Variants in ARHGAP44 observed in about 807,000 individuals in gnomAD.
The protein encoded by ARHGAP44 is rho GTPase-activating protein 44.
In ARHGAP44, 43 loss-of-function variants were observed where a neutral mutation model predicts 106.8. The observed-to-expected ratio is 0.40, with a 90% confidence interval of 0.32 to 0.52. The LOEUF (loss-of-function observed/expected upper bound fraction) is 0.52, where lower values mean the gene tolerates loss of function less well. Ranked by LOEUF, ARHGAP44 falls within the 20% of genes least tolerant of loss-of-function variation. The probability of loss-of-function intolerance (pLI) is 0.48; values close to 1 mark genes in which losing one functional copy is unlikely to be tolerated. For synonymous variants in ARHGAP44, 439 were observed against 410.3 expected, an observed-to-expected ratio of 1.07 and a Z score of -0.85; for missense variants, 866 against 1,050.5, an observed-to-expected ratio of 0.82 and a Z score of 2.43.
At chr17:12,897,710 C>T (rs200272122) in intron 3 of ARHGAP44, among the ~76,000 whole-genome samples, 59 of 108,892 alleles carry the variant, frequency 5.4e-4, no homozygotes, top group Non-Finnish European at 6.1e-4. Context: ...TGATCTGTGT[C>T]TTTTTTTTTT....
At chr17:12,925,199 C>T (rs1368963621) in intron 6 of ARHGAP44, among the ~76,000 whole-genome samples, 1 of 152,138 alleles carries the variant, frequency 6.6e-6, no homozygotes, top group Non-Finnish European at 1.5e-5. Flanking sequence ...TCCGAAAGTG[C>T]CAAAGAGGGA....
rs377251162 is a variant in ARHGAP44, at chr17:12,954,294, T to C, written c.1137-1573T>C. 4.2e-4 allele frequency among the ~76,000 whole-genome samples: 64 copies of C among 152,328 alleles called. No individual in the cohort carries two copies. In the East Asian group the frequency reaches 9.9e-3, roughly 23 times the overall value. On this transcript the variant is annotated intron_variant, in intron 13 of 20. Coordinates refer to ENST00000379672, the MANE Select transcript of ARHGAP44 (RefSeq NM_014859.6). ...CAGGTTCATAACACTGTGAATGTAC[T>C]TAATGCCACCAAATTGTACGTCTAA...
At chr17:12,824,642 A>G (rs577632354) in intron 1 of ARHGAP44, among the ~76,000 whole-genome samples, 21 of 152,170 alleles carry the variant, frequency 1.4e-4, no homozygotes, top group African/African-American at 4.1e-4. Flanking sequence ...TCTTCAATAC[A>G]AGTCTGATGC....
chr17:12,909,203 T>G (rs1598036981), intron 4 of ARHGAP44, among the ~76,000 whole-genome samples: 1 of 152,014 alleles, frequency 6.6e-6, no homozygotes, highest in African/African-American at 2.4e-5. Context: ...TGAAGGACAA[T>G]TGAAATCCCT....
intron 5 of ARHGAP44, among the ~76,000 whole-genome samples, chr17:12,916,605 G>T (rs548894717): frequency 4.6e-5 from 7 of 152,228 alleles, no homozygotes; most frequent in Admixed American, 3.9e-4. Context: ...GGCTGGTCTC[G>T]AACTCCTGAC....
chr17:12,929,576 A>G (rs1450624532), intron 7 of ARHGAP44, among the ~76,000 whole-genome samples: 1 of 152,204 alleles, frequency 6.6e-6, no homozygotes, highest in African/African-American at 2.4e-5. Context: ...ATCGTTCTGA[A>G]AACTGCGACT....
At chr17:12,956,962 A>G (rs2039144364) in intron 15 of ARHGAP44, among the ~76,000 whole-genome samples, 1 of 151,686 alleles carries the variant, frequency 6.6e-6, no homozygotes, top group South Asian at 2.1e-4. Context: ...TAATCTCTAT[A>G]TTTTTTGAGA....
intron 1 of ARHGAP44, among the ~76,000 whole-genome samples, chr17:12,860,137 T>C (rs1057071070): frequency 2.0e-5 from 3 of 152,158 alleles, no homozygotes; most frequent in Non-Finnish European, 4.4e-5. Flanking sequence ...TAATTAATCC[T>C]GGGAGGGGCA....
intron 1 of ARHGAP44, among the ~76,000 whole-genome samples, chr17:12,810,218 C>G (rs1738868501): frequency 1.3e-5 from 2 of 152,172 alleles, no homozygotes; most frequent in African/African-American, 4.8e-5. Context: ...AACAAATCAC[C>G]ACAAACTGGG....
rs71369353 is a variant in ARHGAP44 at position 12,948,723 on chromosome 17, T to TACACACACACACACACAC, written c.862-406_862-389dup. Among the ~76,000 whole-genome samples the TACACACACACACACACAC allele has an allele frequency of 1.8e-3, 54 of 29,366 alleles. 3 individuals carry two copies. Among genetic ancestry groups the TACACACACACACACACAC allele is most frequent in the African/African-American group, 7.0e-3 (52 of 7,464 alleles). The allele number at this position is 29,366 out of a possible 152,430, so 19.3% of individuals were successfully genotyped here. On this transcript the variant is annotated intron_variant, in intron 10 of 20. Transcript: ENST00000379672. The stretch of plus-strand genomic sequence containing the variant: ...TAGCCCTGGTTCCTCCCAACACACA[T>TACACACACACACACACAC]ACACACACACACACACACACACACA...
Position 12,949,007 on chromosome 17 carries a change from G to A in ARHGAP44, c.862-133G>A. On this transcript the variant is annotated intron_variant, in intron 10 of 20. Coordinates refer to ENST00000379672, the MANE Select transcript of ARHGAP44 (RefSeq NM_014859.6). This position sits in a 1 kb window ranked among gnomAD's most constrained non-coding sequence, Gnocchi z 4.1. ...GAGACATTGAGAAAGCAGGCAACTG[G>A]GGGATTGGGAGATGGTGTTGGGCAA... 2 of 868,210 alleles carry A rather than the reference G, an allele frequency of 2.3e-6. No individual in the cohort carries two copies. Among genetic ancestry groups the A allele is most frequent in the South Asian group, 1.6e-5 (1 of 64,308 alleles). The allele number at this position is 868,210 out of a possible 1,614,324, so 53.8% of individuals were successfully genotyped here.
At chr17:12,888,946 A>G (rs1010053732) in intron 1 of ARHGAP44, among the ~76,000 whole-genome samples, 1 of 151,986 alleles carries the variant, frequency 6.6e-6, no homozygotes. Context: ...GTCTTTTCCA[A>G]TTTTTTATTT....
chr17:12,932,273 G>A (rs928306109), intron 7 of ARHGAP44, among the ~76,000 whole-genome samples: 9 of 152,148 alleles, frequency 5.9e-5, no homozygotes, highest in Non-Finnish European at 1.3e-4. Context: ...GAATATAAAT[G>A]TTGATGAGTA....
At chr17:12,963,554 A>G (rs112764173) in intron 16 of ARHGAP44, among the ~76,000 whole-genome samples, 1 of 145,388 alleles carries the variant, frequency 6.9e-6, no homozygotes, top group Non-Finnish European at 1.5e-5. Flanking sequence ...CAGACAGGCC[A>G]GCCTTGCATC....
At position 12,949,719 on chromosome 17, in the gene ARHGAP44, C is replaced by A; in HGVS notation, c.1044C>A (p.Ile348=). Residue 348 remains isoleucine, a synonymous_variant, in exon 12 of 21, where the codon ATC becomes ATA. Transcript: ENST00000379672. This position sits in a 1 kb window ranked among gnomAD's most constrained non-coding sequence, Gnocchi z 4.1. ...LMTFELYDEW[I]QASNVQEQDK... is the part of the protein sequence containing the mutation. Reference sequence around the variant, plus strand: ...CCTTTGAACTCTATGATGAGTGGATCCAGGCTTCCAAGTGAGTACCCCTTG... The same window carrying A: ...CCTTTGAACTCTATGATGAGTGGATACAGGCTTCCAAGTGAGTACCCCTTG... 6.2e-7 allele frequency: 1 copy of A among 1,613,304 alleles called. No individual in the cohort carries two copies. The highest frequency in any genetic ancestry group is 8.5e-7 in the Non-Finnish European group (1 of 1,179,568).
At chr17:12,963,046 CAAAAAAA>C (rs71369355) in intron 16 of ARHGAP44, among the ~76,000 whole-genome samples, 24,175 of 71,562 alleles carry the variant, frequency 0.34, 2,753 homozygotes, top group South Asian at 0.51. Context: ...AACACCATCT[CAAAAAAA>C]AAAAAAAAAA....
chr17:12,989,121 AAAAACT>A (rs2040041783), intron 20 of ARHGAP44, among the ~76,000 whole-genome samples: 1 of 148,980 alleles, frequency 6.7e-6, no homozygotes, highest in Non-Finnish European at 1.5e-5. Flanking sequence ...AAAAAAAAAA[AAAAACT>A]AAGCAGGCGG....
chr17:12,870,295 C>T (rs2036372955), intron 1 of ARHGAP44, among the ~76,000 whole-genome samples: 1 of 152,038 alleles, frequency 6.6e-6, no homozygotes, highest in African/African-American at 2.4e-5. Context: ...AGCAGTTCTC[C>T]CGCCTCAGTA....
chr17:12,805,460 T>C (rs2150771025), intron 1 of ARHGAP44, among the ~76,000 whole-genome samples: 1 of 152,322 alleles, frequency 6.6e-6, no homozygotes, highest in Middle Eastern at 3.4e-3. Context: ...ATGCTAAATA[T>C]GTGTCTGTTG....
Sources: gnomAD v4.1 joint callset for allele counts (sites outside exome capture counted in the v4.1 genomes callset) on GRCh38, gnomAD v4.1.1 for gene constraint, Gnocchi (gnomAD v3.1) non-coding constraint, MANE v1.5 for transcripts, NCBI Gene and HGNC (gene_info 2026-07-23, HGNC 2026-07-21) for gene names.